The following MAD1L1 variants were observed in gnomAD, a reference collection of about 807,000 sequenced individuals.
MAD1L1 encodes the protein mitotic spindle assembly checkpoint protein MAD1.
MAD1L1 carries 95 observed loss-of-function variants against 96.9 expected under a neutral mutation model. The observed-to-expected ratio is 0.98, with a 90% confidence interval of 0.83 to 1.16. MAD1L1 has a LOEUF of 1.16. MAD1L1 is among the 50% of genes most tolerant of loss of function. MAD1L1 has a pLI of 0.00. For synonymous variants in MAD1L1, 473 were observed against 396.6 expected (o/e 1.19, Z -2.29); for missense variants, 1,007 against 954.4 (o/e 1.06, Z -0.73).
At chr7:1,953,135 C>T (rs1043606183) in intron 16 of MAD1L1, among the ~76,000 whole-genome samples, 2 of 152,140 alleles carry the variant, frequency 1.3e-5, no homozygotes, top group Non-Finnish European at 2.9e-5. Context: ...GGAGAGGTGA[C>T]GGGCCCGCCC....
chr7:2,216,439 G>A (rs1349493369), intron 7 of MAD1L1, 152 bp from the exon 8 acceptor site: 8 of 750,316 alleles, frequency 1.1e-5, no homozygotes, highest in South Asian at 7.6e-5. Flanking sequence ...GAAAGGAAGG[G>A]GTTGTCAAGG....
At chr7:1,988,621 T>C (rs1483788903) in intron 14 of MAD1L1, among the ~76,000 whole-genome samples, 4 of 152,154 alleles carry the variant, frequency 2.6e-5, no homozygotes, top group African/African-American at 9.7e-5. Flanking sequence ...ACGGACTCTC[T>C]GGAGGACCCG....
intron 11 of MAD1L1, among the ~76,000 whole-genome samples, chr7:2,076,660 C>T (rs765173759): frequency 3.3e-5 from 5 of 152,192 alleles, no homozygotes; most frequent in African/African-American, 4.8e-5. Context: ...CACAGTTAGC[C>T]TGCAGCACAG....
intron 11 of MAD1L1, among the ~76,000 whole-genome samples, chr7:2,137,750 G>A (rs17132238): frequency 0.044 from 6,730 of 152,198 alleles, 520 homozygotes; most frequent in African/African-American, 0.15. Flanking sequence ...ATCCACAACC[G>A]GAACAGAAAC....
chr7:2,189,873 A>C (rs1425635996), intron 10 of MAD1L1, among the ~76,000 whole-genome samples: 4 of 152,214 alleles, frequency 2.6e-5, no homozygotes, highest in Non-Finnish European at 4.4e-5. Flanking sequence ...AGTATCTCGC[A>C]AGACCCTAAA....
At position 1,913,337 on chromosome 7, in the gene MAD1L1, A is replaced by C. The variant is rs143936487; in HGVS notation, c.1808-14947T>G. 6.2e-3 allele frequency among the ~76,000 whole-genome samples: 932 copies of C among 150,840 alleles called. 12 individuals carry two copies. The highest frequency in any genetic ancestry group is 0.022 in the African/African-American group (891 of 40,926). On this transcript the variant is annotated intron_variant, in intron 17 of 18. Coordinates refer to ENST00000265854, the MANE Select transcript of MAD1L1 (RefSeq NM_001013836.2). ...GGAGGACCCCTGAGTGCTGAGGAGC[A>C]CTCCACCCGGAGGAAGCGGCCTGGG...
intron 18 of MAD1L1, among the ~76,000 whole-genome samples, chr7:1,887,858 T>TGTGTGTG (rs1562491912): frequency 1.2e-4 from 3 of 24,314 alleles, no homozygotes; most frequent in African/African-American, 9.1e-4. Context: ...CGTGTGTGTG[T>TGTGTGTG]GCACGTGTGT....
At chr7:2,123,990 C>T (rs1788108450) in intron 11 of MAD1L1, among the ~76,000 whole-genome samples, 1 of 152,216 alleles carries the variant, frequency 6.6e-6, no homozygotes, top group Non-Finnish European at 1.5e-5. Flanking sequence ...GCCCCGGGGG[C>T]AAGAACTCTG....
chr7:1,848,910 G>C (rs888915558), intron 18 of MAD1L1: 16 of 154,408 alleles, frequency 1.0e-4, no homozygotes, highest in African/African-American at 3.9e-4. Flanking sequence ...CAATAGGACA[G>C]CCTCCTTCTC....
intron 18 of MAD1L1, among the ~76,000 whole-genome samples, chr7:1,861,064 C>T (rs558446242): frequency 5.3e-5 from 8 of 152,244 alleles, no homozygotes. Flanking sequence ...GTCTGTACCG[C>T]ACAAGTCCCA....
intron 16 of MAD1L1, among the ~76,000 whole-genome samples, chr7:1,939,833 GA>G (rs150023350): frequency 0.16 from 24,517 of 152,212 alleles, 2,477 homozygotes; most frequent in South Asian, 0.29. Context: ...GAAGGACGGC[GA>G]GGCCTGGCTT....
intron 18 of MAD1L1, chr7:1,845,539 ACACGCG>A (rs1230790519): frequency 4.3e-5 from 3 of 68,988 alleles, no homozygotes. Flanking sequence ...CTCCACGCAG[ACACGCG>A]TCCGGCTCTG....
At chr7:1,993,378 T>A (rs529850816) in intron 14 of MAD1L1, among the ~76,000 whole-genome samples, 5 of 152,222 alleles carry the variant, frequency 3.3e-5, no homozygotes, top group Non-Finnish European at 7.3e-5. Context: ...GCAAGAGGAC[T>A]GGCAGGAACC....
intron 16 of MAD1L1, among the ~76,000 whole-genome samples, chr7:1,948,713 G>A (rs769546799): frequency 6.6e-6 from 1 of 152,226 alleles, no homozygotes; most frequent in Non-Finnish European, 1.5e-5. Context: ...GGCCAGGGAA[G>A]ACGGCATGTG....
At chr7:1,838,125 C>T (rs540473219) in intron 18 of MAD1L1, among the ~76,000 whole-genome samples, 1 of 152,342 alleles carries the variant, frequency 6.6e-6, no homozygotes, top group Non-Finnish European at 1.5e-5. Flanking sequence ...CACGCCAACA[C>T]CCACTTCACA....
At chr7:1,862,642 G>A (rs1784588139) in intron 18 of MAD1L1, among the ~76,000 whole-genome samples, 1 of 152,240 alleles carries the variant, frequency 6.6e-6, no homozygotes, top group African/African-American at 2.4e-5. Context: ...TCCAGCAAGT[G>A]GCTGCCATCT....
chr7:2,026,359 C>A (rs1362718418), intron 12 of MAD1L1, among the ~76,000 whole-genome samples: 1 of 152,154 alleles, frequency 6.6e-6, no homozygotes, highest in Non-Finnish European at 1.5e-5. Flanking sequence ...ACAAAACTCA[C>A]AATCATAATG....
chr7:1,858,434 C>G (rs1447468065), intron 18 of MAD1L1, among the ~76,000 whole-genome samples: 1 of 152,218 alleles, frequency 6.6e-6, no homozygotes, highest in Non-Finnish European at 1.5e-5. Context: ...CTGAGGCCTC[C>G]CTTCCACCCA....
At chr7:2,215,188 G>T (rs1432064677) in intron 9 of MAD1L1, among the ~76,000 whole-genome samples, 5 of 152,172 alleles carry the variant, frequency 3.3e-5, no homozygotes, top group Non-Finnish European at 1.5e-5. Flanking sequence ...GACCATCCTA[G>T]CCAACGTGGT....
Sources: allele counts gnomAD v4.1 joint callset (sites outside exome capture counted in the v4.1 genomes callset), GRCh38; gene constraint gnomAD v4.1.1; transcripts MANE v1.5; gene names NCBI Gene and HGNC (gene_info 2026-07-23, HGNC 2026-07-21).